The following CCDC18 variants were observed in gnomAD, a reference collection of about 807,000 sequenced individuals.
CCDC18 encodes coiled-coil domain containing 18.
In CCDC18, 157 loss-of-function variants were observed where a neutral mutation model predicts 196.0. The observed-to-expected ratio is 0.80, with a 90% confidence interval of 0.70 to 0.91. CCDC18 has a LOEUF of 0.91. Ranked by LOEUF, CCDC18 falls within the 40% of genes least tolerant of loss-of-function variation. The pLI, the probability that CCDC18 is intolerant of heterozygous loss-of-function variation, is 0.00. For missense variants in CCDC18, 1,465 were observed against 1,611.6 expected (o/e 0.91, Z 1.56); for synonymous variants, 482 against 529.2 (o/e 0.91, Z 1.22).
chr1:93,260,397 T>C (rs528710985), intron 26 of CCDC18, among the ~76,000 whole-genome samples: 1 of 152,124 alleles, frequency 6.6e-6, no homozygotes, highest in Non-Finnish European at 1.5e-5. Flanking sequence ...AAAAAATAAG[T>C]ACATGCTGCT....
At chr1:93,230,536 G>A (rs1356003890) in intron 17 of CCDC18, among the ~76,000 whole-genome samples, 1 of 151,754 alleles carries the variant, frequency 6.6e-6, no homozygotes, top group African/African-American at 2.4e-5. Context: ...TTAAAGGTCA[G>A]TACAATGAAA....
rs147728207 is a variant in CCDC18 at position 93,184,291 on chromosome 1, A to G, written c.303+145A>G. On this transcript the variant is annotated intron_variant, in intron 3 of 28. Transcript: ENST00000690025. Reference sequence around the variant, plus strand: ...TTATTCATGGTTTCCATAATCTTTTACTATGGTACTCAAGAATTTAAATAT... The same window carrying G: ...TTATTCATGGTTTCCATAATCTTTTGCTATGGTACTCAAGAATTTAAATAT... The G allele has an allele frequency of 5.0e-4, 160 of 320,668 alleles. 1 individual carries two copies. The highest frequency in any genetic ancestry group is 3.3e-3 in the African/African-American group (154 of 46,720). The allele number at this position is 320,668 out of a possible 1,614,324, so 19.9% of individuals were successfully genotyped here.
chr1:93,204,283 G>T (rs577260674), intron 7 of CCDC18, among the ~76,000 whole-genome samples: 1 of 152,020 alleles, frequency 6.6e-6, no homozygotes, highest in Non-Finnish European at 1.5e-5. Flanking sequence ...GAAAAAAGTG[G>T]ATAAAAACAG....
chr1:93,207,225 G>C lies in CCDC18; in HGVS notation c.1036G>C (p.Glu346Gln). 6.2e-7 allele frequency: 1 copy of C among 1,613,252 alleles called. No individual in the cohort carries two copies. The highest frequency in any genetic ancestry group is 1.1e-5 in the South Asian group (1 of 91,028). ...SRQSILKLESELENKDEILRD... is the reference protein window; with the variant it reads ...SRQSILKLESQLENKDEILRD... ...ACAAAGTATTTTGAAGCTAGAGAGT[G>C]AGTTAGAGAACAAAGACGAAATACT... Residue 346 changes from glutamate (E) to glutamine (Q), a missense_variant, in exon 9 of 29, where the codon GAG becomes CAG. Transcript: ENST00000690025.
At chr1:93,206,252 G>A in intron 8 of CCDC18, among the ~76,000 whole-genome samples, 1 of 152,100 alleles carries the variant, frequency 6.6e-6, no homozygotes, top group Non-Finnish European at 1.5e-5. Context: ...CCTTAAGGTA[G>A]TCTGTTTAGT....
At chr1:93,188,385 C>G (rs1557599065) in intron 4 of CCDC18, among the ~76,000 whole-genome samples, 1 of 152,190 alleles carries the variant, frequency 6.6e-6, no homozygotes, top group Non-Finnish European at 1.5e-5. Flanking sequence ...TGGTGTTGTT[C>G]TAGGTTGGAG....
chr1:93,222,724 G>C (rs1657644465), intron 16 of CCDC18, among the ~76,000 whole-genome samples: 1 of 152,140 alleles, frequency 6.6e-6, no homozygotes, highest in Admixed American at 6.5e-5. Flanking sequence ...GCATTAGTGT[G>C]AGAATTAAAT....
At position 93,270,701 on chromosome 1, in the gene CCDC18, G is replaced by C. The variant is rs778417376; in HGVS notation, c.4240G>C (p.Asp1414His). ...FKPLTYNLEA[D>H]SSENNDFNTL... ...ACCTCTCACATATAACCTAGAAGCT[G>C]ATAGTTCTGAGAATAATGACTTTAA... The change falls in exon 28 of 29, where the codon GAT becomes CAT. Residue 1414 changes from aspartate to histidine, a missense_variant. Transcript: ENST00000690025. 9 of 1,550,288 alleles carry C rather than the reference G, an allele frequency of 5.8e-6. No homozygotes were observed. The highest frequency in any genetic ancestry group is 7.0e-6 in the Non-Finnish European group (8 of 1,146,868).
intron 6 of CCDC18, among the ~76,000 whole-genome samples, chr1:93,200,722 A>G (rs777233343): frequency 5.3e-5 from 8 of 152,160 alleles, no homozygotes; most frequent in Non-Finnish European, 8.8e-5. Flanking sequence ...TTAAAACGTG[A>G]TTGGGAGTAC....
chr1:93,204,383 A>G (rs1654364821), intron 7 of CCDC18, among the ~76,000 whole-genome samples: 1 of 152,166 alleles, frequency 6.6e-6, no homozygotes, highest in Admixed American at 6.6e-5. Flanking sequence ...TGATTTTCAT[A>G]GCGTAAGGAG....
At chr1:93,187,178 A>G (rs918835653) in intron 4 of CCDC18, among the ~76,000 whole-genome samples, 3 of 152,066 alleles carry the variant, frequency 2.0e-5, no homozygotes, top group African/African-American at 7.2e-5. Context: ...TGGTATACCC[A>G]TAAGATAGAT....
chr1:93,268,134 C>T (rs184634649), intron 27 of CCDC18, among the ~76,000 whole-genome samples: 17 of 152,278 alleles, frequency 1.1e-4, no homozygotes, highest in Non-Finnish European at 1.9e-4. Flanking sequence ...CATCTACAAC[C>T]ATCTGATCTT....
rs191840926 is a variant in CCDC18 at position 93,194,480 on chromosome 1, T to A, written c.698+736T>A. Among the ~76,000 whole-genome samples the A allele has an allele frequency of 3.9e-5, 6 of 152,364 alleles. No homozygotes were observed. The East Asian group carries it at 1.2e-3, about 29-fold the overall frequency. ...GTAGAAAATGCGTAGGTTTTGGAGT[T>A]AGAAAATTTTTAGATTTTACCTCTC... On this transcript the variant is annotated intron_variant, in intron 6 of 28. Coordinates refer to ENST00000690025, the MANE Select transcript of CCDC18 (RefSeq NM_001378204.1).
At chr1:93,188,069 T>C (rs1290685187) in intron 4 of CCDC18, among the ~76,000 whole-genome samples, 1 of 152,210 alleles carries the variant, frequency 6.6e-6, no homozygotes, top group African/African-American at 2.4e-5. Flanking sequence ...TGAACCTTTC[T>C]TTTTAGGATA....
chr1:93,247,216 C>T (rs371252904), intron 23 of CCDC18, among the ~76,000 whole-genome samples: 6 of 151,872 alleles, frequency 4.0e-5, no homozygotes, highest in African/African-American at 1.5e-4. Context: ...CGTGAGCGAC[C>T]ACACTCTGTG....
At chr1:93,251,567 G>A (rs1029367997) in intron 23 of CCDC18, among the ~76,000 whole-genome samples, 2 of 151,642 alleles carry the variant, frequency 1.3e-5, no homozygotes, top group Non-Finnish European at 2.9e-5. Flanking sequence ...TGATTGACAG[G>A]TTTTTTTTGT....
At chr1:93,215,092 T>A (rs1312818062) in intron 12 of CCDC18, 126 bp downstream of exon 12, 2 of 548,388 alleles carry the variant, frequency 3.6e-6, no homozygotes, top group African/African-American at 1.9e-5. Flanking sequence ...TGGTACCACA[T>A]AAGTTATAAA....
rs200273930 is a variant in CCDC18 at position 93,212,235 on chromosome 1, C to A, written c.1469C>A (p.Pro490His). Reference sequence around the variant, plus strand: ...AAATTAAGTAGTTTAGAAACAGAACCTGTAAAGCTAGGTGGTCATCAAGTA... The same window carrying A: ...AAATTAAGTAGTTTAGAAACAGAACATGTAAAGCTAGGTGGTCATCAAGTA... The part of the protein sequence containing the change: ...SSKLSSLETE[P>H]VKLGGHQVAE... Residue 490 changes from proline to histidine, a missense_variant, in exon 11 of 29, where the codon CCT becomes CAT. Physicochemically the swap from Pro to His is moderately conservative, Grantham distance 77. Coordinates refer to ENST00000690025, the MANE Select transcript of CCDC18 (RefSeq NM_001378204.1). 2.4e-3 allele frequency: 3,830 copies of A among 1,599,328 alleles called. 10 individuals carry two copies. Among genetic ancestry groups the A allele is most frequent in the Non-Finnish European group, 2.9e-3 (3,393 of 1,174,452 alleles).
Position 93,258,834 on chromosome 1 carries a change from C to G in CCDC18, c.3633C>G (p.Ile1211Met), listed in dbSNP as rs753278203. The change falls in exon 26 of 29, where the codon ATC (isoleucine) becomes ATG (methionine). Residue 1211 changes from isoleucine (I) to methionine (M), a missense_variant. Physicochemically the swap from Ile to Met is conservative, Grantham distance 10. Coordinates refer to ENST00000690025, the MANE Select transcript of CCDC18 (RefSeq NM_001378204.1). ...AHLEARMQAE[I>M]KKLSAEVESL... ...TAGAAGCAAGAATGCAAGCAGAAAT[C>G]AAGAAATTGTCAGCAGAAGTAGAAT... is the stretch of plus-strand genomic sequence containing the variant. 1 of 1,600,146 alleles carries G rather than the reference C, an allele frequency of 6.2e-7. No individual in the cohort carries two copies. Among genetic ancestry groups the G allele is most frequent in the Non-Finnish European group, 8.5e-7 (1 of 1,173,784 alleles).
Sources: allele counts gnomAD v4.1 joint callset (sites outside exome capture counted in the v4.1 genomes callset), GRCh38; gene constraint gnomAD v4.1.1; transcripts MANE v1.5; gene names NCBI Gene and HGNC (gene_info 2026-07-23, HGNC 2026-07-21).